The following NTNG1 variants were observed in gnomAD, a reference collection of about 807,000 sequenced individuals.
NTNG1 encodes netrin-G1.
Under a neutral mutation model 54.0 loss-of-function variants are expected in NTNG1, and 16 were observed. The observed-to-expected ratio is 0.30, with a 90% confidence interval of 0.20 to 0.45. The LOEUF is 0.45. Among genes scored for constraint, NTNG1 ranks in the 20% least tolerant of loss-of-function variants. The pLI, the probability that NTNG1 is intolerant of heterozygous loss-of-function variation, is 1.00. For synonymous variants in NTNG1, 255 were observed against 263.1 expected, an observed-to-expected ratio of 0.97 and a Z score of 0.30; for missense variants, 530 against 678.7, an observed-to-expected ratio of 0.78 and a Z score of 2.43.
intron 2 of NTNG1, among the ~76,000 whole-genome samples, chr1:107,164,961 C>T (rs1469391544): frequency 6.6e-6 from 1 of 152,100 alleles, no homozygotes; most frequent in Non-Finnish European, 1.5e-5. Flanking sequence ...TTGGACCGCA[C>T]AGTCTAAGCT....
intron 2 of NTNG1, among the ~76,000 whole-genome samples, chr1:107,149,686 A>G (rs1469730619): frequency 3.3e-5 from 5 of 152,134 alleles, no homozygotes; most frequent in South Asian, 4.1e-4. Context: ...CAATATTTCT[A>G]TAAGTATTAG....
At chr1:107,401,962 C>G (rs920621048) in intron 4 of NTNG1, among the ~76,000 whole-genome samples, 2 of 152,008 alleles carry the variant, frequency 1.3e-5, no homozygotes, top group African/African-American at 4.8e-5. Flanking sequence ...TAGACAGTGC[C>G]AGCCACGTAG....
intron 2 of NTNG1, among the ~76,000 whole-genome samples, chr1:107,174,984 A>ATT (rs1656533555): frequency 6.6e-6 from 1 of 152,114 alleles, no homozygotes; most frequent in Non-Finnish European, 1.5e-5. Context: ...TTATTTATTG[A>ATT]TTTGATCATT....
intron 2 of NTNG1, among the ~76,000 whole-genome samples, chr1:107,308,837 T>A (rs543183319): frequency 6.6e-6 from 1 of 152,270 alleles, no homozygotes; most frequent in South Asian, 2.1e-4. Context: ...ATTGTTGAGA[T>A]CCTTCACCTC....
At chr1:107,376,807 G>A (rs1671296594) in intron 3 of NTNG1, among the ~76,000 whole-genome samples, 2 of 151,904 alleles carry the variant, frequency 1.3e-5, no homozygotes, top group Non-Finnish European at 2.9e-5. Context: ...TTCTTTTGCT[G>A]CCCCCCCAGC....
intron 3 of NTNG1, among the ~76,000 whole-genome samples, chr1:107,387,886 G>A (rs1672110314): frequency 6.6e-6 from 1 of 152,092 alleles, no homozygotes; most frequent in Non-Finnish European, 1.5e-5. Flanking sequence ...TTTTCCACTT[G>A]CCTTCCGTAA....
intron 2 of NTNG1, among the ~76,000 whole-genome samples, chr1:107,221,776 C>T (rs1412028392): frequency 1.1e-4 from 16 of 152,068 alleles, no homozygotes. Flanking sequence ...GAGAGTGGGA[C>T]ATTTTTGACC....
At chr1:107,159,382 T>C (rs1014320238) in intron 2 of NTNG1, among the ~76,000 whole-genome samples, 1 of 152,166 alleles carries the variant, frequency 6.6e-6, no homozygotes, top group Non-Finnish European at 1.5e-5. Flanking sequence ...AGTAGTTACA[T>C]GCTTGTTGAA....
At chr1:107,394,649 C>T (rs922778224) in intron 3 of NTNG1, among the ~76,000 whole-genome samples, 5 of 152,150 alleles carry the variant, frequency 3.3e-5, no homozygotes, top group Non-Finnish European at 7.4e-5. Context: ...ATTATAATTT[C>T]TTGGGTTTCT....
intron 2 of NTNG1, among the ~76,000 whole-genome samples, chr1:107,209,044 T>A (rs972906220): frequency 1.3e-5 from 2 of 152,090 alleles, no homozygotes; most frequent in African/African-American, 4.8e-5. Flanking sequence ...CTTTATGTGG[T>A]TTCTGAGATT....
At chr1:107,290,963 T>TATA (rs199789100) in intron 2 of NTNG1, among the ~76,000 whole-genome samples, 3 of 142,530 alleles carry the variant, frequency 2.1e-5, no homozygotes, top group South Asian at 2.2e-4. Flanking sequence ...TATATATATA[T>TATA]TATATATATA....
At chr1:107,390,016 G>A (rs1184106035) in intron 3 of NTNG1, among the ~76,000 whole-genome samples, 1 of 152,174 alleles carries the variant, frequency 6.6e-6, no homozygotes, top group Non-Finnish European at 1.5e-5. Context: ...CCAGCATTGT[G>A]AAATGTTTTT....
intron 3 of NTNG1, among the ~76,000 whole-genome samples, chr1:107,340,443 GC>G (rs1380181139): frequency 2.0e-5 from 3 of 152,006 alleles, no homozygotes; most frequent in African/African-American, 7.2e-5. Context: ...GAAAACAGGA[GC>G]CCTGCAGAAG....
chr1:107,281,896 G>T (rs1664886550), intron 2 of NTNG1, among the ~76,000 whole-genome samples: 1 of 152,050 alleles, frequency 6.6e-6, no homozygotes, highest in Non-Finnish European at 1.5e-5. Context: ...GTCAAAAAAA[G>T]ATACTGATCC....
intron 3 of NTNG1, among the ~76,000 whole-genome samples, chr1:107,352,288 T>G (rs935604676): frequency 3.3e-5 from 5 of 151,814 alleles, no homozygotes; most frequent in Non-Finnish European, 5.9e-5. Context: ...TTAGTAGAGG[T>G]TCTTCATGAG....
At chr1:107,323,164 G>A (rs993278060) in intron 2 of NTNG1, among the ~76,000 whole-genome samples, 2 of 150,508 alleles carry the variant, frequency 1.3e-5, no homozygotes, top group Non-Finnish European at 3.0e-5. Flanking sequence ...GGAAGCCCAA[G>A]GACAATGTCC....
intron 2 of NTNG1, among the ~76,000 whole-genome samples, chr1:107,199,212 C>G (rs1341302968): frequency 6.6e-6 from 1 of 151,622 alleles, no homozygotes; most frequent in African/African-American, 2.4e-5. Context: ...TCAGTTATCT[C>G]CCCAGTTTTC....
At chr1:107,320,559 T>C (rs1445478609) in intron 2 of NTNG1, among the ~76,000 whole-genome samples, 2 of 152,008 alleles carry the variant, frequency 1.3e-5, no homozygotes, top group Admixed American at 1.3e-4. Flanking sequence ...GTATTACAGA[T>C]CACGCCCTGT....
Position 107,430,924 on chromosome 1 carries a change from T to G in NTNG1, c.1255+7T>G. 3 of 1,611,510 alleles carry G rather than the reference T, an allele frequency of 1.9e-6. No individual in the cohort carries two copies. The highest frequency in any genetic ancestry group is 2.5e-6 in the Non-Finnish European group (3 of 1,178,394). On this transcript the variant is annotated splice_region_variant and intron_variant, in intron 6 of 7. Coordinates refer to ENST00000370068, the MANE Select transcript of NTNG1 (RefSeq NM_001113226.3). Reference sequence around the variant, plus strand: ...GATGAGAATGTGTGCATAGGTCAGTTCCATTACAATTTCAGCTATTCTTCT... The same window carrying G: ...GATGAGAATGTGTGCATAGGTCAGTGCCATTACAATTTCAGCTATTCTTCT...
Sources: gnomAD v4.1 joint callset for allele counts (sites outside exome capture counted in the v4.1 genomes callset) on GRCh38, gnomAD v4.1.1 for gene constraint, MANE v1.5 for transcripts, NCBI Gene and HGNC (gene_info 2026-07-23, HGNC 2026-07-21) for gene names.